CHRM3: variants seen among roughly 807,000 people sequenced by gnomAD.
CHRM3 encodes the protein muscarinic acetylcholine receptor M3.
A neutral mutation model predicts 41.8 loss-of-function variants in CHRM3; 11 were observed. The ratio of observed to expected loss-of-function variants is 0.26; its 90% CI spans 0.17 to 0.44. CHRM3 has a LOEUF of 0.44. Among genes scored for constraint, CHRM3 ranks in the 20% least tolerant of loss-of-function variants. The probability of loss-of-function intolerance (pLI) is 1.00; values close to 1 mark genes in which losing one functional copy is unlikely to be tolerated. For synonymous variants in CHRM3, 297 were observed against 301.4 expected (o/e 0.99, Z 0.15); for missense variants, 571 against 745.4 (o/e 0.77, Z 2.72).
At position 239,498,975 on chromosome 1, in the gene CHRM3, A is replaced by G. The variant is rs73116710; in HGVS notation, c.-422+6168A>G. 3.2e-3 allele frequency among the ~76,000 whole-genome samples: 493 copies of G among 152,162 alleles called. 2 individuals carry two copies. Among genetic ancestry groups the G allele is most frequent in the African/African-American group, 0.011 (461 of 41,510 alleles). The stretch of plus-strand genomic sequence containing the variant: ...TATGTAGGTCCTCCTTTCCTAGTAA[A>G]TTAAAGACTCTTGCAGTCAGGAACC... On this transcript the variant is annotated intron_variant, in intron 2 of 6. Transcript: ENST00000676153.
chr1:239,677,009 C>T (rs75578443), intron 4 of CHRM3, among the ~76,000 whole-genome samples: 1,966 of 152,216 alleles, frequency 0.013, 52 homozygotes, highest in African/African-American at 0.046. Flanking sequence ...GGGAGCATGA[C>T]GGCTAGATCT....
intron 5 of CHRM3, among the ~76,000 whole-genome samples, chr1:239,825,917 A>G (rs1175623695): frequency 6.6e-6 from 1 of 152,134 alleles, no homozygotes; most frequent in Admixed American, 6.5e-5. Context: ...ACATAGATGA[A>G]CCTTGAGAAC....
At chr1:239,856,396 C>CTGAT (rs1157578983) in intron 6 of CHRM3, among the ~76,000 whole-genome samples, 3 of 152,044 alleles carry the variant, frequency 2.0e-5, no homozygotes, top group Non-Finnish European at 4.4e-5. Context: ...CTCACGAAAT[C>CTGAT]TGATTGTTTA....
At chr1:239,736,820 C>G (rs1664433108) in intron 5 of CHRM3, among the ~76,000 whole-genome samples, 1 of 152,068 alleles carries the variant, frequency 6.6e-6, no homozygotes, top group Non-Finnish European at 1.5e-5. Context: ...AAGAATTTGC[C>G]TATAAAAATG....
chr1:239,505,850 G>T (rs953127592), intron 2 of CHRM3, among the ~76,000 whole-genome samples: 1 of 152,104 alleles, frequency 6.6e-6, no homozygotes, highest in Admixed American at 6.5e-5. Flanking sequence ...GTATAAGACA[G>T]TAAGTTCCAG....
intron 1 of CHRM3, among the ~76,000 whole-genome samples, chr1:239,449,497 G>A (rs114131759): frequency 0.011 from 1,612 of 152,090 alleles, 23 homozygotes; most frequent in African/African-American, 0.037. Context: ...ATGGAAGGGT[G>A]GGTACTATTT....
At chr1:239,831,911 G>A (rs1214029587) in intron 6 of CHRM3, among the ~76,000 whole-genome samples, 1 of 152,162 alleles carries the variant, frequency 6.6e-6, no homozygotes, top group African/African-American at 2.4e-5. Flanking sequence ...CCTCCTAGAA[G>A]CATCCTTCCC....
chr1:239,898,902 T>C (rs887074423), intron 6 of CHRM3, among the ~76,000 whole-genome samples: 3 of 152,206 alleles, frequency 2.0e-5, no homozygotes, highest in African/African-American at 7.2e-5. Context: ...AAGTTATTTT[T>C]TGCCATAACT....
intron 3 of CHRM3, among the ~76,000 whole-genome samples, chr1:239,585,419 G>A (rs1218897750): frequency 6.6e-6 from 1 of 152,142 alleles, no homozygotes; most frequent in African/African-American, 2.4e-5. Context: ...AAATTACTAA[G>A]ATTACTAAAG....
chr1:239,836,640 T>C (rs1053618981), intron 6 of CHRM3, among the ~76,000 whole-genome samples: 26 of 152,168 alleles, frequency 1.7e-4, no homozygotes, highest in African/African-American at 4.8e-4. Flanking sequence ...ACTATCAATG[T>C]GTGCAGTAAT....
intron 4 of CHRM3, among the ~76,000 whole-genome samples, chr1:239,642,411 T>C (rs1024733207): frequency 1.3e-5 from 2 of 152,120 alleles, no homozygotes; most frequent in South Asian, 2.1e-4. Flanking sequence ...ACCAATCAGA[T>C]GTAGATTTGG....
At chr1:239,670,195 A>G (rs1674217346) in intron 4 of CHRM3, among the ~76,000 whole-genome samples, 2 of 152,108 alleles carry the variant, frequency 1.3e-5, no homozygotes, top group Admixed American at 1.3e-4. Flanking sequence ...GCCCTAACAT[A>G]TTTTCACCAT....
chr1:239,530,802 A>G (rs1406193447), intron 2 of CHRM3, among the ~76,000 whole-genome samples: 1 of 152,184 alleles, frequency 6.6e-6, no homozygotes, highest in Non-Finnish European at 1.5e-5. Context: ...AAACAACAAA[A>G]AAAAAGAAAA....
At chr1:239,532,149 A>T (rs1657656854) in intron 2 of CHRM3, among the ~76,000 whole-genome samples, 1 of 142,992 alleles carries the variant, frequency 7.0e-6, no homozygotes, top group Non-Finnish European at 1.5e-5. Flanking sequence ...AGTAGCTGGG[A>T]CTACAGGCGC....
At chr1:239,576,594 G>GCA (rs3063538) in intron 3 of CHRM3, among the ~76,000 whole-genome samples, 83,573 of 141,552 alleles carry the variant, frequency 0.59, 28,163 homozygotes, top group Non-Finnish European at 0.74. Context: ...ACACACACAC[G>GCA]CACACACACA....
intron 4 of CHRM3, among the ~76,000 whole-genome samples, chr1:239,654,360 G>T (rs886848093): frequency 2.6e-5 from 4 of 152,056 alleles, no homozygotes; most frequent in East Asian, 1.9e-4. Flanking sequence ...GGACCTTGAC[G>T]GTTCAATTCT....
chr1:239,597,862 T>TTTG (rs1462946577), intron 3 of CHRM3, among the ~76,000 whole-genome samples: 3 of 148,830 alleles, frequency 2.0e-5, no homozygotes, highest in South Asian at 2.1e-4. Flanking sequence ...GTCAGAGTTT[T>TTTG]TTTTTTTTTT....
chr1:239,670,773 C>CG (rs1553359349), intron 4 of CHRM3, among the ~76,000 whole-genome samples: 3 of 151,418 alleles, frequency 2.0e-5, no homozygotes, highest in Admixed American at 1.3e-4. Context: ...GGTGATCTAC[C>CG]CCCCCCACCT....
intron 3 of CHRM3, among the ~76,000 whole-genome samples, chr1:239,617,904 T>C (rs1258205935): frequency 6.6e-6 from 1 of 152,170 alleles, no homozygotes; most frequent in African/African-American, 2.4e-5. Flanking sequence ...GGAGGTTCCT[T>C]TTGTGCCTAC....
Sources: gnomAD v4.1 joint callset for allele counts (sites outside exome capture counted in the v4.1 genomes callset) on GRCh38, gnomAD v4.1.1 for gene constraint, MANE v1.5 for transcripts, NCBI Gene and HGNC (gene_info 2026-07-23, HGNC 2026-07-21) for gene names.